Variants in SPHKAP observed in about 807,000 individuals in gnomAD.
SPHKAP encodes the protein A-kinase anchor protein SPHKAP.
Under a neutral mutation model 137.5 loss-of-function variants are expected in SPHKAP, and 67 were observed. The observed-to-expected ratio is 0.49, with a 90% confidence interval of 0.40 to 0.60. The LOEUF (loss-of-function observed/expected upper bound fraction) is 0.60. Among genes scored for constraint, SPHKAP ranks in the 20% least tolerant of loss-of-function variants. The pLI is 0.00. For synonymous variants in SPHKAP, 813 were observed against 785.3 expected (o/e 1.04, Z -0.59); for missense variants, 2,097 against 2,069.3 (o/e 1.01, Z -0.26).
At chr2:228,150,991 G>A (rs1348947530) in intron 1 of SPHKAP, among the ~76,000 whole-genome samples, 1 of 151,806 alleles carries the variant, frequency 6.6e-6, no homozygotes, top group Non-Finnish European at 1.5e-5. Context: ...GTGCAGGTTA[G>A]TTTCATGTGT....
intron 7 of SPHKAP, among the ~76,000 whole-genome samples, chr2:228,007,383 G>A (rs528364912): frequency 9.2e-5 from 14 of 151,992 alleles, no homozygotes; most frequent in African/African-American, 2.7e-4. Flanking sequence ...ATTAACTGTA[G>A]TCACCTTTCT....
chr2:228,001,399 A>G (rs1273536016), intron 7 of SPHKAP, among the ~76,000 whole-genome samples: 1 of 143,070 alleles, frequency 7.0e-6, no homozygotes, highest in Non-Finnish European at 1.5e-5. Context: ...ATATAAATAT[A>G]TATACATAAA....
intron 7 of SPHKAP, among the ~76,000 whole-genome samples, chr2:228,010,475 T>C (rs966894696): frequency 1.3e-5 from 2 of 152,148 alleles, no homozygotes; most frequent in Non-Finnish European, 2.9e-5. Flanking sequence ...GAGATTGCAG[T>C]GAGCCGAGAT....
At chr2:227,990,775 T>C (rs1484722192) in intron 11 of SPHKAP, 5 of 459,546 alleles carry the variant, frequency 1.1e-5, no homozygotes, top group South Asian at 4.4e-5. Flanking sequence ...CAATTTACTT[T>C]TCTCACTACC....
Position 228,044,445 on chromosome 2 carries a change from C to T in SPHKAP, c.247-16902G>A, listed in dbSNP as rs988043501. On this transcript the variant is annotated intron_variant, in intron 3 of 11. Coordinates refer to ENST00000392056, the MANE Select transcript of SPHKAP (RefSeq NM_001142644.2). ...GTACTCTAAGAACCACTCTATTTGGCCTGCTCCAGGTCTGCATATGAAAAC... is the reference window on the plus strand; with the variant it reads ...GTACTCTAAGAACCACTCTATTTGGTCTGCTCCAGGTCTGCATATGAAAAC... Among the ~76,000 whole-genome samples, 7 of 152,154 alleles carry T rather than the reference C, an allele frequency of 4.6e-5. No homozygotes were observed. In the East Asian group the frequency reaches 1.4e-3, roughly 29 times the overall value.
intron 3 of SPHKAP, among the ~76,000 whole-genome samples, chr2:228,057,648 A>C (rs1328438677): frequency 6.6e-6 from 1 of 152,188 alleles, no homozygotes; most frequent in Non-Finnish European, 1.5e-5. Flanking sequence ...CAGGTAGGGA[A>C]CAAATAGCAT....
Position 227,981,794 on chromosome 2 carries a change from C to A in SPHKAP, c.5026G>T (p.Val1676Phe). 1 of 1,613,842 alleles carries A rather than the reference C, an allele frequency of 6.2e-7. No individual in the cohort carries two copies. The highest frequency in any genetic ancestry group is 8.5e-7 in the Non-Finnish European group (1 of 1,179,808). Residue 1676 changes from valine (V) to phenylalanine (F), a missense_variant, in exon 12 of 12, where the codon GTC becomes TTC. By Grantham distance (50) the Val-to-Phe change is conservative. Transcript: ENST00000392056. ...TCCTCATGCATTTTGCAGTACTGGA[C>A]AACTGCATGGAAGATATCACCCACT... is the stretch of plus-strand genomic sequence containing the variant. ...WKVGDIFHAVVQYCKMHEEQK... is the reference protein window; with the variant it reads ...WKVGDIFHAVFQYCKMHEEQK...
At chr2:228,081,761 G>T (rs1363334454) in intron 3 of SPHKAP, among the ~76,000 whole-genome samples, 1 of 152,154 alleles carries the variant, frequency 6.6e-6, no homozygotes, top group Non-Finnish European at 1.5e-5. Context: ...TGTAAGTAGG[G>T]ATTAGAATGG....
chr2:228,001,776 G>A (rs1335466115), intron 7 of SPHKAP, among the ~76,000 whole-genome samples: 2 of 151,712 alleles, frequency 1.3e-5, no homozygotes, highest in African/African-American at 4.8e-5. Context: ...GTGTCCATGT[G>A]TTCTCATTGT....
chr2:228,066,939 C>G (rs570829178), intron 3 of SPHKAP, among the ~76,000 whole-genome samples: 1 of 152,182 alleles, frequency 6.6e-6, no homozygotes, highest in African/African-American at 2.4e-5. Context: ...TTAACCTTCT[C>G]TTCATTTCTT....
At chr2:228,079,115 G>T (rs1697278060) in intron 3 of SPHKAP, among the ~76,000 whole-genome samples, 1 of 152,190 alleles carries the variant, frequency 6.6e-6, no homozygotes, top group Admixed American at 6.5e-5. Flanking sequence ...TGGGGCTTAG[G>T]GGTGTGGTGG....
chr2:227,987,715 GCCA>G lies in SPHKAP; in HGVS notation c.4959+3282_4959+3284del, dbSNP rs1693264000. Among the ~76,000 whole-genome samples the G allele has an allele frequency of 3.3e-5, 5 of 152,254 alleles. No homozygotes were observed. In the South Asian group the frequency reaches 1.0e-3, roughly 32 times the overall value. On this transcript the variant is annotated intron_variant, in intron 11 of 11. Transcript: ENST00000392056. ...GCCTTTAGGTGCCCCCAACTCCAAG[GCCA>G]AGTTCCTGGGCAGTGGTGGGAAAGA...
chr2:228,095,815 G>A (rs1434797947), intron 3 of SPHKAP, among the ~76,000 whole-genome samples: 1 of 152,128 alleles, frequency 6.6e-6, no homozygotes, highest in African/African-American at 2.4e-5. Context: ...GTGTAGTGGT[G>A]AATAGCACTT....
intron 11 of SPHKAP, 49 bp from the exon 12 acceptor site, chr2:227,981,909 A>C: frequency 6.4e-7 from 1 of 1,567,778 alleles, no homozygotes. Context: ...AGGGTCCTCA[A>C]AGCCACCTCA....
chr2:228,095,639 T>G (rs1697958608), intron 3 of SPHKAP, among the ~76,000 whole-genome samples: 1 of 152,126 alleles, frequency 6.6e-6, no homozygotes, highest in African/African-American at 2.4e-5. Context: ...GATAGTATAC[T>G]TTTTAATTTT....
rs1399178370 is a variant in SPHKAP, at chr2:227,980,783, A to G, written c.*934T>C. 6.6e-6 allele frequency: 1 copy of G among 152,228 alleles called. No individual in the cohort carries two copies. The highest frequency in any genetic ancestry group is 1.5e-5 in the Non-Finnish European group (1 of 68,044). The allele number at this position is 152,228 out of a possible 1,614,324, so 9.4% of individuals were successfully genotyped here. Reference sequence around the variant, plus strand: ...ACAGGCCACTGAGCTCAATGTCAATATGTGACTTTAGACAACAATCTCTTC... The same window carrying G: ...ACAGGCCACTGAGCTCAATGTCAATGTGTGACTTTAGACAACAATCTCTTC... On this transcript the variant is annotated 3_prime_UTR_variant, in exon 12 of 12. Coordinates refer to ENST00000392056, the MANE Select transcript of SPHKAP (RefSeq NM_001142644.2).
At chr2:228,083,863 A>G (rs940927823) in intron 3 of SPHKAP, among the ~76,000 whole-genome samples, 4 of 152,252 alleles carry the variant, frequency 2.6e-5, no homozygotes, top group South Asian at 2.1e-4. Flanking sequence ...GTTCTCACTC[A>G]TAAGTGGGAG....
intron 2 of SPHKAP, among the ~76,000 whole-genome samples, chr2:228,113,354 G>T (rs898563372): frequency 6.6e-6 from 1 of 151,998 alleles, no homozygotes; most frequent in African/African-American, 2.4e-5. Context: ...AAATTCTCAA[G>T]GCTAACATAG....
At chr2:228,000,422 T>C (rs928232821) in intron 7 of SPHKAP, among the ~76,000 whole-genome samples, 3 of 152,094 alleles carry the variant, frequency 2.0e-5, no homozygotes, top group Admixed American at 2.0e-4. Context: ...ATGGAGACCA[T>C]CGTGGCTAAC....
Sources: gnomAD v4.1 joint callset for allele counts (sites outside exome capture counted in the v4.1 genomes callset) on GRCh38, gnomAD v4.1.1 for gene constraint, MANE v1.5 for transcripts, NCBI Gene and HGNC (gene_info 2026-07-23, HGNC 2026-07-21) for gene names.